The following EIPR1 variants were observed in gnomAD, a reference collection of about 807,000 sequenced individuals.
The protein encoded by EIPR1 is EARP complex and GARP complex interacting protein 1.
EIPR1 carries 25 observed loss-of-function variants against 48.1 expected under a neutral mutation model. The observed-to-expected ratio is 0.52, with a 90% CI of 0.38 to 0.73. The LOEUF (loss-of-function observed/expected upper bound fraction) is 0.73. Among genes scored for constraint, EIPR1 ranks in the 30% least tolerant of loss-of-function variants. The pLI is 0.00. For synonymous variants in EIPR1, 204 were observed against 201.9 expected (o/e 1.01, Z -0.09); for missense variants, 415 against 506.2 (o/e 0.82, Z 1.73).
chr2:3,300,371 C>A (rs981905246), intron 3 of EIPR1, among the ~76,000 whole-genome samples: 1 of 152,160 alleles, frequency 6.6e-6, no homozygotes, highest in Non-Finnish European at 1.5e-5. Flanking sequence ...TATCTAAATG[C>A]CTTTACACAG....
At chr2:3,314,940 A>AGGCCC (rs1384623564) in intron 3 of EIPR1, among the ~76,000 whole-genome samples, 4 of 151,784 alleles carry the variant, frequency 2.6e-5, no homozygotes. Flanking sequence ...CTCCCTGGCA[A>AGGCCC]GGCCCTGCCC....
intron 3 of EIPR1, among the ~76,000 whole-genome samples, chr2:3,273,617 T>C (rs546515429): frequency 1.1e-4 from 16 of 152,340 alleles, no homozygotes; most frequent in African/African-American, 3.8e-4. Context: ...CACTGATCCT[T>C]ACAAAAGTTT....
intron 1 of EIPR1, among the ~76,000 whole-genome samples, chr2:3,356,400 T>A (rs1207404939): frequency 6.6e-6 from 1 of 152,314 alleles, no homozygotes; most frequent in Admixed American, 6.5e-5. Context: ...TGTTTAATAA[T>A]TAGAAGATAA....
intron 3 of EIPR1, among the ~76,000 whole-genome samples, chr2:3,261,318 T>C (rs2694073): frequency 0.39 from 59,872 of 151,992 alleles, 13,272 homozygotes; most frequent in Admixed American, 0.5. Flanking sequence ...ATAACGTACA[T>C]ACATATTAAA....
chr2:3,295,281 A>T (rs1668521212), intron 3 of EIPR1, among the ~76,000 whole-genome samples: 1 of 83,930 alleles, frequency 1.2e-5, no homozygotes, highest in Non-Finnish European at 2.3e-5. Context: ...CACACCCTCC[A>T]TCCAGCCCGT....
chr2:3,203,230 A>G (rs1359530382), intron 5 of EIPR1, among the ~76,000 whole-genome samples: 2 of 152,256 alleles, frequency 1.3e-5, no homozygotes, highest in African/African-American at 4.8e-5. Flanking sequence ...GTGAATGATA[A>G]TAACGTACGT....
At chr2:3,360,414 A>AG (rs1373052864) in intron 1 of EIPR1, among the ~76,000 whole-genome samples, 45 of 151,784 alleles carry the variant, frequency 3.0e-4, no homozygotes, top group Non-Finnish European at 3.7e-4. Flanking sequence ...CAAAAAAAAA[A>AG]AAAAGAAAGA....
chr2:3,375,557 A>G (rs1044036580), intron 1 of EIPR1, among the ~76,000 whole-genome samples: 2 of 152,078 alleles, frequency 1.3e-5, no homozygotes, highest in African/African-American at 4.8e-5. Flanking sequence ...AGATTATAGA[A>G]CCTTCTATCT....
intron 3 of EIPR1, among the ~76,000 whole-genome samples, chr2:3,276,152 A>G (rs1558267322): frequency 6.6e-6 from 1 of 152,232 alleles, no homozygotes; most frequent in Non-Finnish European, 1.5e-5. Flanking sequence ...AGATAAGTGT[A>G]CTCGATTTTT....
intron 3 of EIPR1, among the ~76,000 whole-genome samples, chr2:3,330,430 T>C (rs972147524): frequency 2.0e-5 from 3 of 152,112 alleles, no homozygotes; most frequent in African/African-American, 4.8e-5. Context: ...ACTGGTGCCC[T>C]CTGTTGATTG....
chr2:3,201,961 G>A, intron 5 of EIPR1, among the ~76,000 whole-genome samples: 1 of 151,950 alleles, frequency 6.6e-6, no homozygotes, highest in Non-Finnish European at 1.5e-5. Flanking sequence ...TTTTGAGACG[G>A]AGTCTCACTC....
chr2:3,363,493 T>G (rs1670898204), intron 1 of EIPR1, among the ~76,000 whole-genome samples: 1 of 152,106 alleles, frequency 6.6e-6, no homozygotes, highest in Admixed American at 6.5e-5. Flanking sequence ...CTCAAGAGTT[T>G]GGGACCAGCC....
intron 3 of EIPR1, among the ~76,000 whole-genome samples, chr2:3,293,587 C>G (rs915713766): frequency 6.6e-6 from 1 of 152,206 alleles, no homozygotes; most frequent in South Asian, 2.1e-4. Flanking sequence ...ACGGGCACCT[C>G]AGCCCCTTAA....
chr2:3,317,499 G>A (rs564233661), intron 3 of EIPR1, among the ~76,000 whole-genome samples: 23 of 152,170 alleles, frequency 1.5e-4, no homozygotes, highest in African/African-American at 2.4e-4. Flanking sequence ...GGTGGAGCAC[G>A]GAGTGCCGGG....
chr2:3,316,599 G>C (rs114077376), intron 3 of EIPR1, among the ~76,000 whole-genome samples: 1,904 of 152,286 alleles, frequency 0.013, 34 homozygotes, highest in African/African-American at 0.044. Flanking sequence ...CGTTCTATGA[G>C]ACCCATTCCT....
At chr2:3,294,338 G>A (rs4854167) in intron 3 of EIPR1, among the ~76,000 whole-genome samples, 2 of 125,310 alleles carry the variant, frequency 1.6e-5, no homozygotes, top group Non-Finnish European at 1.6e-5. Flanking sequence ...CCATCCAGCC[G>A]ATCTTCTCTG....
chr2:3,257,937 C>G (rs1667212775), intron 3 of EIPR1, among the ~76,000 whole-genome samples: 1 of 152,202 alleles, frequency 6.6e-6, no homozygotes, highest in Non-Finnish European at 1.5e-5. Flanking sequence ...GTTATTCTGC[C>G]TCAGTTTACC....
At position 3,257,475 on chromosome 2, in the gene EIPR1, G is replaced by A. The variant is rs769002809; in HGVS notation, c.260-20C>T. ...CTGAAGCTGAGCAACAGAGCATAAT[G>A]GATAATGTCAACAGAGCACGGTGTG... On this transcript the variant is annotated intron_variant, in intron 3 of 8. Coordinates refer to ENST00000382125, the MANE Select transcript of EIPR1 (RefSeq NM_003310.5). The A allele has an allele frequency of 1.2e-6, 2 of 1,613,140 alleles. No homozygotes were observed. The highest frequency in any genetic ancestry group is 8.5e-7 in the Non-Finnish European group (1 of 1,179,292).
chr2:3,370,244 T>C (rs1671081046), intron 1 of EIPR1, among the ~76,000 whole-genome samples: 1 of 151,970 alleles, frequency 6.6e-6, no homozygotes, highest in Non-Finnish European at 1.5e-5. Context: ...CTGTACATCA[T>C]CATCATCAAA....
Sources: gnomAD v4.1 joint callset for allele counts (sites outside exome capture counted in the v4.1 genomes callset) on GRCh38, gnomAD v4.1.1 for gene constraint, MANE v1.5 for transcripts, NCBI Gene and HGNC (gene_info 2026-07-23, HGNC 2026-07-21) for gene names.